MACF1: variants seen among roughly 807,000 people sequenced by gnomAD.
MACF1 encodes the protein microtubule-actin cross-linking factor 1.
A neutral mutation model predicts 854.8 loss-of-function variants in MACF1; 193 were observed. The observed-to-expected ratio is 0.23, with a 90% CI of 0.20 to 0.25. The LOEUF is 0.25. Among genes scored for constraint, MACF1 ranks in the 10% least tolerant of loss-of-function variants. The pLI is 1.00. For missense variants in MACF1, 7,722 were observed against 8,929.1 expected (o/e 0.86, Z 5.45); for synonymous variants, 3,185 against 3,226.7 (o/e 0.99, Z 0.44).
upstream of MACF1, among the ~76,000 whole-genome samples, chr1:39,200,360 CTA>C (rs759600795): frequency 1.2e-4 from 18 of 152,068 alleles, no homozygotes; most frequent in Non-Finnish European, 2.1e-4. Context: ...GATCTCTTCT[CTA>C]TGTTTACTCA....
Position 39,430,719 on chromosome 1 carries a change from C to T in MACF1, c.17148C>T (p.Val5716=), listed in dbSNP as rs771050982. 72 of 1,611,840 alleles carry T rather than the reference C, an allele frequency of 4.5e-5. No individual in the cohort carries two copies. Among genetic ancestry groups the T allele is most frequent in the Non-Finnish European group, 5.8e-5 (68 of 1,179,924 alleles). Residue 5716 remains valine, a synonymous_variant, in exon 66 of 101, where the codon GTC becomes GTT. Transcript: ENST00000564288. ...QQRQKELKKE[V]MEHRLVLDTV... is the part of the protein sequence containing the mutation. ...CTCCTTAGGAATTAAAGAAGGAGGT[C>T]ATGGAGCACAGGCTGGTGTTGGACA...
At chr1:39,430,519 A>G (rs1643862408) in intron 65 of MACF1, among the ~76,000 whole-genome samples, 183 bp from the exon 66 acceptor site, 1 of 152,186 alleles carries the variant, frequency 6.6e-6, no homozygotes, top group Non-Finnish European at 1.5e-5. Context: ...TAAGCAAGCA[A>G]CAATGAAGTC....
intron 2 of MACF1, chr1:39,121,184 C>T (rs558053854): frequency 6.6e-6 from 1 of 152,318 alleles, no homozygotes; most frequent in Non-Finnish European, 1.5e-5. Flanking sequence ...TTAGTTCACT[C>T]TTGTTCCCCA....
At chr1:39,375,341 G>A (rs950957530) in intron 52 of MACF1, among the ~76,000 whole-genome samples, 1 of 149,536 alleles carries the variant, frequency 6.7e-6, no homozygotes, top group Non-Finnish European at 1.5e-5. Flanking sequence ...TCGCTCTGTT[G>A]CCCAGGCTGG....
chr1:39,148,563 T>C (rs928116897), intron 2 of MACF1, among the ~76,000 whole-genome samples: 1 of 152,222 alleles, frequency 6.6e-6, no homozygotes, highest in African/African-American at 2.4e-5. Context: ...AAAAAACAGT[T>C]TGTAACATGT....
At chr1:39,359,831 C>A (rs1185709654) in intron 47 of MACF1, among the ~76,000 whole-genome samples, 10 of 148,694 alleles carry the variant, frequency 6.7e-5, no homozygotes, top group African/African-American at 1.5e-4. Context: ...AACAAACAAA[C>A]AAAAAAATAG....
At position 39,409,254 on chromosome 1, in the gene MACF1, G is replaced by A. The variant is rs1158165638; in HGVS notation, c.15817-13120G>A. On this transcript the variant is annotated intron_variant, in intron 58 of 100. Transcript: ENST00000564288. The surrounding 1 kb of genome is among the most constrained non-coding windows in gnomAD (Gnocchi z 4.2). ...GGCCAGCGGCGTGGTGGAGAATAGAGGCGGCTGCTTGTCATGCAGCCCACG... is the reference window on the plus strand; with the variant it reads ...GGCCAGCGGCGTGGTGGAGAATAGAAGCGGCTGCTTGTCATGCAGCCCACG... 6.6e-6 allele frequency among the ~76,000 whole-genome samples: 1 copy of A among 151,970 alleles called. No homozygotes were observed. The highest frequency in any genetic ancestry group is 1.5e-5 in the Non-Finnish European group (1 of 67,946).
At chr1:39,411,121 G>T (rs1416207056) in intron 58 of MACF1, 1 of 1,613,600 alleles carries the variant, frequency 6.2e-7, no homozygotes, top group African/African-American at 1.3e-5. Flanking sequence ...CTGCACTGTG[G>T]AAATGCCACC....
At chr1:39,480,279 G>C (rs1644990293) in intron 98 of MACF1, among the ~76,000 whole-genome samples, 1 of 152,106 alleles carries the variant, frequency 6.6e-6, no homozygotes, top group African/African-American at 2.4e-5. Context: ...ATTTCCTCAT[G>C]TTCTCAGTTT....
At chr1:39,085,343 A>G (rs1352816500) in intron 2 of MACF1, among the ~76,000 whole-genome samples, 1 of 152,240 alleles carries the variant, frequency 6.6e-6, no homozygotes, top group Non-Finnish European at 1.5e-5. Context: ...TGTGCTCAGC[A>G]TCTCAGCAGG....
At position 39,351,342 on chromosome 1, in the gene MACF1, G is replaced by A. The variant is rs149613791; in HGVS notation, c.11199+324G>A. ...TAATTTTTGTATTTTTAGTAGAGAT[G>A]AGGTTTCACCAGGTTGGCCAGGCTG... is the stretch of plus-strand genomic sequence containing the variant. On this transcript the variant is annotated intron_variant, in intron 43 of 100. Coordinates refer to ENST00000564288, the MANE Select transcript of MACF1 (RefSeq NM_001394062.1). Among the ~76,000 whole-genome samples, 1,421 of 152,142 alleles carry A rather than the reference G, an allele frequency of 9.3e-3. 5 individuals are homozygous for A. Among genetic ancestry groups the A allele is most frequent in the Non-Finnish European group, 0.015 (995 of 68,010 alleles).
At position 39,300,199 on chromosome 1, in the gene MACF1, T is replaced by C. The variant is rs765838460; in HGVS notation, c.2482-11T>C. The C allele has an allele frequency of 3.7e-6, 6 of 1,610,598 alleles. No individual in the cohort carries two copies. The Admixed American group carries it at 1.0e-4, about 27-fold the overall frequency. On this transcript the variant is annotated splice_polypyrimidine_tract_variant and intron_variant, in intron 21 of 100. Coordinates refer to ENST00000564288, the MANE Select transcript of MACF1 (RefSeq NM_001394062.1). ...CATTAATGTCATTTTGTTTTTCTTA[T>C]CATTTTGTAGGATGAAAAGGAGCAG...
intron 2 of MACF1, among the ~76,000 whole-genome samples, chr1:39,147,194 G>A (rs546572615): frequency 4.7e-5 from 6 of 128,554 alleles, no homozygotes; most frequent in Admixed American, 2.8e-4. Flanking sequence ...CTCCTTTCTC[G>A]TCTCTCCTCT....
intron 4 of MACF1, among the ~76,000 whole-genome samples, chr1:39,252,321 A>G (rs779387870): frequency 2.6e-4 from 39 of 152,214 alleles, no homozygotes; most frequent in Non-Finnish European, 5.0e-4. Flanking sequence ...TCACAACTCC[A>G]CAGTCTAGAC....
rs1241338386 is a variant in MACF1 at position 39,455,034 on chromosome 1, G to A, written c.21012G>A (p.Gln7004=). The change falls in exon 89 of 101, where the codon CAG becomes CAA. Residue 7004 remains glutamine, a synonymous_variant. Coordinates refer to ENST00000564288, the MANE Select transcript of MACF1 (RefSeq NM_001394062.1). ...WIQWAETTLI[Q]RDQEPIPQNI... ...AGTGGGCTGAGACCACCCTCATTCAGCGGGATCAGGAGCCAATCCCGCAGA... is the reference window on the plus strand; with the variant it reads ...AGTGGGCTGAGACCACCCTCATTCAACGGGATCAGGAGCCAATCCCGCAGA... 6.2e-7 allele frequency: 1 copy of A among 1,614,008 alleles called. No homozygotes were observed. The highest frequency in any genetic ancestry group is 8.5e-7 in the Non-Finnish European group (1 of 1,180,042).
intron 72 of MACF1, among the ~76,000 whole-genome samples, chr1:39,439,796 G>A (rs1460755786): frequency 2.6e-5 from 4 of 151,950 alleles, no homozygotes; most frequent in Non-Finnish European, 4.4e-5. Flanking sequence ...AGTAGAGACA[G>A]GGTTTCCCCA....
Position 39,360,872 on chromosome 1 carries a change from A to G in MACF1, c.12324A>G (p.Gln4108=), listed in dbSNP as rs142917322. The G allele has an allele frequency of 1.9e-5, 30 of 1,613,942 alleles. No individual in the cohort carries two copies. In the Admixed American group the frequency reaches 2.0e-4, roughly 11 times the overall value. Reference sequence around the variant, plus strand: ...CTCTGCTGCAGAAAGCAATTGCCCAATCTCAGAGTGTCCAGGAAAGCCTGG... The same window carrying G: ...CTCTGCTGCAGAAAGCAATTGCCCAGTCTCAGAGTGTCCAGGAAAGCCTGG... ...RSSLLQKAIA[Q]SQSVQESLES... is the part of the protein sequence containing the mutation. Residue 4108 remains glutamine, a synonymous_variant, in exon 48 of 101, where the codon CAA becomes CAG. Coordinates refer to ENST00000564288, the MANE Select transcript of MACF1 (RefSeq NM_001394062.1).
intron 2 of MACF1, among the ~76,000 whole-genome samples, chr1:39,104,814 A>G (rs865785020): frequency 2.2e-4 from 34 of 152,246 alleles, no homozygotes; most frequent in African/African-American, 8.2e-4. Flanking sequence ...CTCCGGCCCT[A>G]CACTGCAGCC....
intron 89 of MACF1, chr1:39,457,471 C>G (rs1331806948): frequency 1.3e-5 from 2 of 152,462 alleles, no homozygotes; most frequent in Non-Finnish European, 2.9e-5. Context: ...CCCCCACCCC[C>G]ACATCACTCC....
Sources: allele counts gnomAD v4.1 joint callset (sites outside exome capture counted in the v4.1 genomes callset), GRCh38; gene constraint gnomAD v4.1.1; non-coding constraint Gnocchi (gnomAD v3.1); transcripts MANE v1.5; gene names NCBI Gene and HGNC (gene_info 2026-07-23, HGNC 2026-07-21).